Variants in ZFAT observed in about 807,000 individuals in gnomAD.
ZFAT encodes zinc finger and AT-hook domain containing, also known as zinc finger protein ZFAT.
In ZFAT, 64 loss-of-function variants were observed where a neutral mutation model predicts 117.7. That is an observed-to-expected ratio of 0.54 (90% CI 0.44 to 0.67). The LOEUF is 0.67. Ranked by LOEUF, ZFAT falls within the 30% of genes least tolerant of loss-of-function variation. The pLI is 0.00. For missense variants in ZFAT, 1,433 were observed against 1,584.5 expected (o/e 0.90, Z 1.62); for synonymous variants, 679 against 615.0 (o/e 1.10, Z -1.54).
chr8:134,827,313 G>A, the ZFAT span, among the ~76,000 whole-genome samples: 1 of 152,076 alleles, frequency 6.6e-6, no homozygotes, highest in East Asian at 1.9e-4. Flanking sequence ...CCAAAGTGCT[G>A]GGATTACAAG....
intron 3 of ZFAT, among the ~76,000 whole-genome samples, chr8:134,634,609 A>G (rs964696344): frequency 6.6e-5 from 10 of 151,978 alleles, no homozygotes; most frequent in Middle Eastern, 6.8e-3. Context: ...ACACACATTT[A>G]GGAATAGTTA....
chr8:134,664,927 C>T (rs1832134013), intron 1 of ZFAT, among the ~76,000 whole-genome samples: 1 of 152,224 alleles, frequency 6.6e-6, no homozygotes, highest in African/African-American at 2.4e-5. Flanking sequence ...GGGGTTTGAG[C>T]ATTCAATTCC....
intron 2 of ZFAT, among the ~76,000 whole-genome samples, chr8:134,637,948 T>G (rs529397496): frequency 6.6e-6 from 1 of 152,242 alleles, no homozygotes; most frequent in Non-Finnish European, 1.5e-5. Context: ...CATCAGTTTA[T>G]CAGCATCGCT....
the ZFAT span, among the ~76,000 whole-genome samples, chr8:134,737,373 G>A: frequency 1.3e-5 from 2 of 152,228 alleles, no homozygotes; most frequent in Non-Finnish European, 2.9e-5. Flanking sequence ...TAAATGGAGT[G>A]AGGGAATGAA....
At chr8:134,763,746 C>T in the ZFAT span, among the ~76,000 whole-genome samples, 3,832 of 152,132 alleles carry the variant, frequency 0.025, 148 homozygotes, top group African/African-American at 0.087. Context: ...TGGTCTTTGC[C>T]GCAACTATCC....
At chr8:134,676,416 C>A (rs1255698508) in intron 1 of ZFAT, among the ~76,000 whole-genome samples, 1 of 152,158 alleles carries the variant, frequency 6.6e-6, no homozygotes, top group Non-Finnish European at 1.5e-5. Flanking sequence ...TATATACGCA[C>A]CCGATACAGG....
chr8:134,494,751 T>C (rs1032398334), intron 15 of ZFAT, among the ~76,000 whole-genome samples: 14 of 152,226 alleles, frequency 9.2e-5, no homozygotes, highest in African/African-American at 3.4e-4. Flanking sequence ...ATGTTTATCA[T>C]AACAAAACAT....
At chr8:134,497,049 G>A (rs923153629) in intron 15 of ZFAT, among the ~76,000 whole-genome samples, 15 of 152,202 alleles carry the variant, frequency 9.9e-5, no homozygotes, top group African/African-American at 2.2e-4. Context: ...AGCTGCTCCC[G>A]GATCTTGCGC....
chr8:134,518,193 A>AG (rs1003166612), intron 13 of ZFAT, among the ~76,000 whole-genome samples: 5 of 152,048 alleles, frequency 3.3e-5, no homozygotes, highest in Non-Finnish European at 5.9e-5. Flanking sequence ...TATTTTTTGG[A>AG]GGAAATGCAT....
At chr8:134,648,667 G>T (rs1586887226) in intron 2 of ZFAT, among the ~76,000 whole-genome samples, 2 of 152,034 alleles carry the variant, frequency 1.3e-5, no homozygotes, top group East Asian at 3.9e-4. Flanking sequence ...AAAATAAAAA[G>T]CCCAGGACCA....
chr8:134,594,498 T>C (rs1006807671), intron 7 of ZFAT, among the ~76,000 whole-genome samples: 1 of 152,250 alleles, frequency 6.6e-6, no homozygotes, highest in Non-Finnish European at 1.5e-5. Flanking sequence ...AGAAAGACTA[T>C]GCACTTCTCA....
At chr8:134,613,753 T>A (rs1828520574) in intron 3 of ZFAT, among the ~76,000 whole-genome samples, 1 of 152,164 alleles carries the variant, frequency 6.6e-6, no homozygotes, top group Non-Finnish European at 1.5e-5. Flanking sequence ...CAGAAGTGGT[T>A]TTCCTTCCTC....
At chr8:134,796,140 C>G in the ZFAT span, 2 of 152,152 alleles carry the variant, frequency 1.3e-5, no homozygotes, top group Non-Finnish European at 2.9e-5. Flanking sequence ...TCATGTGTAT[C>G]CTTCATAATA....
chr8:134,608,424 T>C (rs1343739656), intron 5 of ZFAT, among the ~76,000 whole-genome samples: 2 of 152,244 alleles, frequency 1.3e-5, no homozygotes, highest in South Asian at 2.1e-4. Flanking sequence ...ACTTAAGCTA[T>C]GTTTCTATTT....
chr8:134,697,365 G>C (rs543415335), intron 1 of ZFAT, among the ~76,000 whole-genome samples: 11 of 151,506 alleles, frequency 7.3e-5, no homozygotes, highest in East Asian at 4.0e-4. Flanking sequence ...GCCCGCCTCA[G>C]CCTCCCAAAG....
At chr8:134,786,405 T>C in the ZFAT span, among the ~76,000 whole-genome samples, 8 of 152,220 alleles carry the variant, frequency 5.3e-5, no homozygotes, top group Non-Finnish European at 1.0e-4. Flanking sequence ...TCATTTATCG[T>C]ACTAATACGT....
chr8:134,824,518 C>T, the ZFAT span, among the ~76,000 whole-genome samples: 2 of 152,138 alleles, frequency 1.3e-5, no homozygotes, highest in African/African-American at 2.4e-5. Context: ...TGGTTGAAAC[C>T]GGGATGAAAT....
At chr8:134,650,522 A>C (rs1374787201) in intron 2 of ZFAT, among the ~76,000 whole-genome samples, 1 of 152,208 alleles carries the variant, frequency 6.6e-6, no homozygotes, top group East Asian at 1.9e-4. Flanking sequence ...TTTATCAAAA[A>C]TCCAACTGTC....
intron 13 of ZFAT, among the ~76,000 whole-genome samples, chr8:134,519,018 C>G (rs879598911): frequency 1.7e-4 from 26 of 152,282 alleles, no homozygotes; most frequent in Middle Eastern, 3.4e-3. Context: ...TTCATGCACA[C>G]TTAGAGAGAT....
Sources: allele counts gnomAD v4.1 joint callset (sites outside exome capture counted in the v4.1 genomes callset), GRCh38; gene constraint gnomAD v4.1.1; transcripts MANE v1.5; gene names NCBI Gene and HGNC (gene_info 2026-07-23, HGNC 2026-07-21).